The following PKD1L3 variants were observed in gnomAD, a reference collection of about 807,000 sequenced individuals.
PKD1L3 encodes polycystin-1-like protein 3.
In PKD1L3, 239 loss-of-function variants were observed where a neutral mutation model predicts 184.1. That is an observed-to-expected ratio of 1.30 (90% confidence interval 1.17 to 1.45). The LOEUF (loss-of-function observed/expected upper bound fraction) is 1.45. Among genes scored for constraint, PKD1L3 ranks in the 40% most tolerant of loss-of-function variants. The probability of loss-of-function intolerance (pLI) is 0.00; values close to 1 mark genes in which losing one functional copy is unlikely to be tolerated. For missense variants in PKD1L3, 2,660 were observed against 2,067.2 expected (o/e 1.29, Z -5.56); for synonymous variants, 996 against 778.8 (o/e 1.28, Z -4.64).
intron 3 of PKD1L3, among the ~76,000 whole-genome samples, chr16:71,992,721 T>C (rs909872139): frequency 6.6e-6 from 1 of 152,230 alleles, no homozygotes; most frequent in Non-Finnish European, 1.5e-5. Context: ...TCAGGACATC[T>C]AACATTTGCA....
chr16:71,929,978 T>C lies in PKD1L3; in HGVS notation c.5058+74A>G, dbSNP rs1436802620. On this transcript the variant is annotated intron_variant, in intron 29 of 29. Coordinates refer to ENST00000620267, the MANE Select transcript of PKD1L3 (RefSeq NM_181536.2). Reference sequence around the variant, plus strand: ...GTGCATTATAAATTATGTCAGCCCGTCATCTTAGGGGCAGTTACAGTGGAG... The same window carrying C: ...GTGCATTATAAATTATGTCAGCCCGCCATCTTAGGGGCAGTTACAGTGGAG... 4 of 1,430,464 alleles carry C rather than the reference T, an allele frequency of 2.8e-6. No homozygotes were observed. The African/African-American group carries it at 5.8e-5, about 21-fold the overall frequency. The allele number at this position is 1,430,464 out of a possible 1,614,324, so 88.6% of individuals were successfully genotyped here. A position where few individuals can be genotyped will look rare whatever the true frequency, so the allele number is the denominator to read the frequency against.
At chr16:71,949,502 C>A (rs1243383629) in intron 21 of PKD1L3, among the ~76,000 whole-genome samples, 1 of 151,992 alleles carries the variant, frequency 6.6e-6, no homozygotes, top group Admixed American at 6.6e-5. Flanking sequence ...TAGGAGCACA[C>A]CACCATGCCT....
At position 71,979,910 on chromosome 16, in the gene PKD1L3, T is replaced by A. The variant is rs776468389; in HGVS notation, c.1274A>T (p.Gln425Leu). Residue 425 changes from glutamine (Q) to leucine (L), a missense_variant and splice_region_variant, in exon 9 of 30, where the codon CAA (glutamine) becomes CTA (leucine). By Grantham distance (113) the Gln-to-Leu change is moderately radical. Coordinates refer to ENST00000620267, the MANE Select transcript of PKD1L3 (RefSeq NM_181536.2). ...GCTCAGCGGTAAAGTTGATATGTTT[T>A]GTCTAATGAGAAAAGTTAAAATGGA... Reference protein sequence around the residue: ...SANATLLLSRQNISTLPLSSY... With the variant: ...SANATLLLSRLNISTLPLSSY... 1.3e-6 allele frequency: 2 copies of A among 1,550,796 alleles called. No individual in the cohort carries two copies. The highest frequency in any genetic ancestry group is 1.7e-6 in the Non-Finnish European group (2 of 1,146,860).
rs1308707485 is a variant in PKD1L3, at chr16:71,934,499, G to A, written c.4614-374C>T. ...AACTCAGCCCAGAGAGAGGAGCCAT[G>A]CTGCTGGTCTGTTTTCTGTGGCACA... On this transcript the variant is annotated intron_variant, in intron 26 of 29. Coordinates refer to ENST00000620267, the MANE Select transcript of PKD1L3 (RefSeq NM_181536.2). Among the ~76,000 whole-genome samples the A allele has an allele frequency of 2.0e-5, 3 of 152,160 alleles. No homozygotes were observed. In the East Asian group the frequency reaches 5.8e-4, roughly 29 times the overall value.
intron 15 of PKD1L3, among the ~76,000 whole-genome samples, chr16:71,963,887 G>A (rs141006969): frequency 1.3e-5 from 2 of 152,252 alleles, no homozygotes; most frequent in East Asian, 1.9e-4. Context: ...CCTATGAATA[G>A]ATAAGTATGT....
Position 71,954,089 on chromosome 16 carries a change from C to T in PKD1L3, c.2809+16G>A. The T allele has an allele frequency of 6.6e-7, 1 of 1,507,522 alleles. No individual in the cohort carries two copies. The highest frequency in any genetic ancestry group is 1.3e-5 in the South Asian group (1 of 76,298). The allele number at this position is 1,507,522 out of a possible 1,614,324, so 93.4% of individuals were successfully genotyped here. On this transcript the variant is annotated intron_variant, in intron 17 of 29. Transcript: ENST00000620267. ...ATTGCTTACTACAAACAACACACAT[C>T]AGGGCTCATCCATACTTTGCTCATC...
chr16:71,982,245 T>C lies in PKD1L3; in HGVS notation c.967-10A>G. 6.7e-7 allele frequency: 1 copy of C among 1,494,254 alleles called. No homozygotes were observed. The allele number at this position is 1,494,254 out of a possible 1,614,324, so 92.6% of individuals were successfully genotyped here. A position where few individuals can be genotyped will look rare whatever the true frequency, so the allele number is the denominator to read the frequency against. ...AATTGATGAGATTAACCTGGGAGGA[T>C]TAGAAAGCAAACATACACCCTTGAA... On this transcript the variant is annotated splice_polypyrimidine_tract_variant and intron_variant, in intron 6 of 29. Transcript: ENST00000620267.
Position 71,967,332 on chromosome 16 carries a change from A to C in PKD1L3, c.2287-17T>G, listed in dbSNP as rs765007564. On this transcript the variant is annotated splice_polypyrimidine_tract_variant and intron_variant, in intron 14 of 29. Transcript: ENST00000620267. ...GATGACAACCTACAATGAGACAGGGAAAGATAAAATATAAGGAATTTTAAC... is the reference window on the plus strand; with the variant it reads ...GATGACAACCTACAATGAGACAGGGCAAGATAAAATATAAGGAATTTTAAC... 21 of 1,541,476 alleles carry C rather than the reference A, an allele frequency of 1.4e-5. No homozygotes were observed. Among genetic ancestry groups the C allele is most frequent in the Non-Finnish European group, 1.6e-5 (18 of 1,143,064 alleles).
chr16:71,950,966 C>A (rs927777337), intron 19 of PKD1L3, among the ~76,000 whole-genome samples: 1 of 151,168 alleles, frequency 6.6e-6, no homozygotes, highest in Non-Finnish European at 1.5e-5. Context: ...TGGTTTTGAA[C>A]TTCTGACCTC....
In PKD1L3 at chr16:71,930,153, A is replaced by G; in HGVS notation, c.4957T>C (p.Phe1653Leu). The stretch of plus-strand genomic sequence containing the variant: ...AAGATGACACTGGTGAGGATCAGAA[A>G]GGTGCCCAGGACTGGGTCTAAAGCG... ...VFALDPVLGT[F>L]LILTSVILMV... The change falls in exon 29 of 30, where the codon TTT (phenylalanine) becomes CTT (leucine). Residue 1653 changes from phenylalanine to leucine, a missense_variant. Transcript: ENST00000620267. 1.3e-6 allele frequency: 2 copies of G among 1,551,370 alleles called. No homozygotes were observed. Among genetic ancestry groups the G allele is most frequent in the Non-Finnish European group, 1.7e-6 (2 of 1,146,760 alleles).
Position 71,942,856 on chromosome 16 carries a change from A to T in PKD1L3, c.4028T>A (p.Leu1343Gln). 6.4e-7 allele frequency: 1 copy of T among 1,551,662 alleles called. No homozygotes were observed. The highest frequency in any genetic ancestry group is 8.7e-7 in the Non-Finnish European group (1 of 1,146,982). Residue 1343 changes from leucine (L) to glutamine (Q), a missense_variant, in exon 24 of 30, where the codon CTG (leucine) becomes CAG (glutamine). Physicochemically the swap from Leu to Gln is moderately radical, Grantham distance 113 (BLOSUM62 -2). Transcript: ENST00000620267. ...ATTCTTACCTCTGTAATCCCCATAC[A>T]GGCTAGGAAGAAGGATATGATTGGC... ...PWANHILLPSLYGDYRGKNAV... is the reference protein window; with the variant it reads ...PWANHILLPSQYGDYRGKNAV...
intron 23 of PKD1L3, 26 bp from the exon 24 acceptor site, chr16:71,943,050 CAT>C (rs748573963): frequency 2.4e-5 from 35 of 1,488,112 alleles, no homozygotes; most frequent in Non-Finnish European, 3.0e-5. Flanking sequence ...AAAAAAATGT[CAT>C]AGTTGAGTGG....
At chr16:71,949,638 C>T (rs1024774739) in intron 21 of PKD1L3, 145 bp downstream of exon 21, 12 of 755,610 alleles carry the variant, frequency 1.6e-5, no homozygotes, top group Non-Finnish European at 2.5e-5. Context: ...CATGTGTGAG[C>T]CACTACACCC....
intron 16 of PKD1L3, among the ~76,000 whole-genome samples, chr16:71,961,632 G>GGAAATCTAATACATTTT (rs2039284146): frequency 6.6e-6 from 1 of 152,040 alleles, no homozygotes; most frequent in Admixed American, 6.6e-5. Flanking sequence ...TGCTGACCTT[G>GGAAATCTAATACATTTT]TGAGCGAATC....
chr16:71,982,893 C>T (rs1238170887), intron 6 of PKD1L3, among the ~76,000 whole-genome samples: 1 of 152,004 alleles, frequency 6.6e-6, no homozygotes, highest in Non-Finnish European at 1.5e-5. Flanking sequence ...ACACCTAGCA[C>T]ATGATTATTT....
chr16:71,989,827 C>A (rs1225081764), intron 4 of PKD1L3, among the ~76,000 whole-genome samples: 1 of 152,134 alleles, frequency 6.6e-6, no homozygotes, highest in Non-Finnish European at 1.5e-5. Flanking sequence ...GTAATCCCAG[C>A]AGTTTGGGAG....
At chr16:71,974,334 G>A (rs1470176642) in intron 11 of PKD1L3, among the ~76,000 whole-genome samples, 1 of 152,108 alleles carries the variant, frequency 6.6e-6, no homozygotes, top group Non-Finnish European at 1.5e-5. Context: ...AAAGGTTCCT[G>A]AAGGCCCCTT....
chr16:71,976,500 A>G (rs1219139723), intron 11 of PKD1L3, among the ~76,000 whole-genome samples: 1 of 149,546 alleles, frequency 6.7e-6, no homozygotes. Flanking sequence ...CAGGTGATCC[A>G]CCCGCCTCAG....
chr16:71,996,578 C>T (rs769177877), intron 2 of PKD1L3, among the ~76,000 whole-genome samples: 30 of 152,122 alleles, frequency 2.0e-4, no homozygotes, highest in Non-Finnish European at 3.2e-4. Flanking sequence ...CCTTTTATAG[C>T]GACGCCTACT....
Sources: allele counts gnomAD v4.1 joint callset (sites outside exome capture counted in the v4.1 genomes callset), GRCh38; gene constraint gnomAD v4.1.1; transcripts MANE v1.5; gene names NCBI Gene and HGNC (gene_info 2026-07-23, HGNC 2026-07-21).